The following CCDC30 variants were observed in gnomAD, a reference collection of about 807,000 sequenced individuals.
CCDC30 encodes coiled-coil domain-containing protein 30.
CCDC30 carries 70 observed loss-of-function variants against 100.2 expected under a neutral mutation model. That is an observed-to-expected ratio of 0.70 (90% CI 0.58 to 0.85). CCDC30 has a LOEUF of 0.85. Among genes scored for constraint, CCDC30 ranks in the 40% least tolerant of loss-of-function variants. The pLI is 0.00. For synonymous variants in CCDC30, 233 were observed against 269.5 expected (o/e 0.86, Z 1.33); for missense variants, 652 against 771.2 (o/e 0.85, Z 1.83).
chr1:42,456,383 T>G, the CCDC30 span: 1 of 719,618 alleles, frequency 1.4e-6, no homozygotes, highest in Admixed American at 3.2e-5. Context: ...GCAGTGTCAC[T>G]TTCGCTGGGC....
rs757557004 is a variant in CCDC30 at position 42,637,365 on chromosome 1, A to G, written c.1406A>G (p.His469Arg). 3.7e-6 allele frequency: 6 copies of G among 1,606,254 alleles called. No homozygotes were observed. The highest frequency in any genetic ancestry group is 4.2e-6 in the Non-Finnish European group (5 of 1,177,934). The change falls in exon 12 of 17, where the codon CAT becomes CGT. Residue 469 changes from histidine to arginine, a missense_variant. Coordinates refer to ENST00000668663, the Ensembl canonical transcript of CCDC30. ...GAAGATGAAATTGGAATCCTGCAAC[A>G]TAAAATAGAAAAGGTGAGGAAAAAA...
intron 4 of CCDC30, chr1:42,492,189 T>G: frequency 4.2e-6 from 1 of 238,010 alleles, no homozygotes; most frequent in Middle Eastern, 8.7e-4. Flanking sequence ...AGGCCTCTTA[T>G]GCTCAGCACC....
At chr1:42,559,782 C>T (rs1471324510) in intron 6 of CCDC30, among the ~76,000 whole-genome samples, 1 of 152,176 alleles carries the variant, frequency 6.6e-6, no homozygotes, top group Non-Finnish European at 1.5e-5. Context: ...TGCTCTGGAT[C>T]TAATGGACCT....
chr1:42,577,259 T>C (rs1000940279), intron 8 of CCDC30, 30 bp downstream of exon 12: 2 of 1,329,246 alleles, frequency 1.5e-6, no homozygotes, highest in African/African-American at 2.9e-5. Context: ...ATAAACAGCA[T>C]ACACTGAATA....
intron 6 of CCDC30, among the ~76,000 whole-genome samples, chr1:42,509,455 G>A (rs183895315): frequency 3.6e-4 from 55 of 152,232 alleles, no homozygotes; most frequent in Non-Finnish European, 3.2e-4. Flanking sequence ...CACCCAGATC[G>A]ATAAAATGGC....
intron 6 of CCDC30, 33 bp downstream of exon 10, chr1:42,556,438 T>G: frequency 6.5e-7 from 1 of 1,548,440 alleles, no homozygotes; most frequent in East Asian, 2.3e-5. Context: ...CTGACTGGGT[T>G]CGTTTCCTCT....
Position 42,579,956 on chromosome 1 carries a change from C to T in CCDC30, c.847-1404C>T, listed in dbSNP as rs1645928444. Among the ~76,000 whole-genome samples, 3 of 148,644 alleles carry T rather than the reference C, an allele frequency of 2.0e-5. No homozygotes were observed. The South Asian group carries it at 6.5e-4, about 32-fold the overall frequency. On this transcript the variant is annotated intron_variant, in intron 8 of 16. Coordinates refer to ENST00000668663, the Ensembl canonical transcript of CCDC30. ...CACATCTCAAAAAAAAAAAACCTCT[C>T]ATATATTAAAAAGGAACAGCAAGGA...
intron 7 of CCDC30, among the ~76,000 whole-genome samples, chr1:42,575,406 T>A (rs1645811790): frequency 6.6e-6 from 1 of 151,818 alleles, no homozygotes. Flanking sequence ...TCCCAGCACT[T>A]TGGGAGGCCG....
intron 1 of CCDC30, among the ~76,000 whole-genome samples, chr1:42,475,369 A>G (rs1414535903): frequency 6.6e-6 from 1 of 152,154 alleles, no homozygotes; most frequent in Non-Finnish European, 1.5e-5. Flanking sequence ...TAGGTGGAAA[A>G]TTATGCAAAC....
At chr1:42,638,110 G>A (rs1315913039) in intron 12 of CCDC30, among the ~76,000 whole-genome samples, 1 of 152,098 alleles carries the variant, frequency 6.6e-6, no homozygotes, top group Non-Finnish European at 1.5e-5. Context: ...AACTATCCTG[G>A]GACCCTAGGT....
chr1:42,559,571 A>C (rs148863441), intron 6 of CCDC30, among the ~76,000 whole-genome samples: 2 of 152,330 alleles, frequency 1.3e-5, no homozygotes, highest in Non-Finnish European at 2.9e-5. Flanking sequence ...TGGTAAAGGG[A>C]ACAATTCAAC....
chr1:42,531,163 G>A (rs1455711032), intron 6 of CCDC30, among the ~76,000 whole-genome samples: 1 of 151,908 alleles, frequency 6.6e-6, no homozygotes, highest in Admixed American at 6.6e-5. Flanking sequence ...ACGAGATCTG[G>A]TTGTTTAAAA....
chr1:42,589,953 C>T (rs1328017721), intron 10 of CCDC30: 1 of 152,522 alleles, frequency 6.6e-6, no homozygotes, highest in African/African-American at 2.4e-5. Context: ...GGATGATTCT[C>T]CTCTCCAAAT....
At chr1:42,456,974 G>A in the CCDC30 span, 3 of 1,603,558 alleles carry the variant, frequency 1.9e-6, no homozygotes, top group South Asian at 2.2e-5. Flanking sequence ...GAGCTACCAG[G>A]AGGCTGCGGC....
At chr1:42,572,421 C>T (rs1043796815) in intron 7 of CCDC30, among the ~76,000 whole-genome samples, 1 of 152,032 alleles carries the variant, frequency 6.6e-6, no homozygotes, top group Admixed American at 6.6e-5. Context: ...AACCCTTTAT[C>T]AGGTATGTAT....
At chr1:42,545,661 A>T (rs1645113827) in intron 6 of CCDC30, 82 bp downstream of exon 9, 1 of 1,311,894 alleles carries the variant, frequency 7.6e-7, no homozygotes. Context: ...AGAATTTGAC[A>T]TTCGGCTGGG....
At chr1:42,565,348 A>T (rs901784904) in intron 6 of CCDC30, among the ~76,000 whole-genome samples, 1 of 152,226 alleles carries the variant, frequency 6.6e-6, no homozygotes, top group Non-Finnish European at 1.5e-5. Flanking sequence ...TAGCAAGAAA[A>T]CAAATAATCC....
At chr1:42,535,247 C>T (rs1183521346) in intron 6 of CCDC30, among the ~76,000 whole-genome samples, 3 of 151,994 alleles carry the variant, frequency 2.0e-5, no homozygotes, top group East Asian at 1.9e-4. Flanking sequence ...GCCTTACTAA[C>T]GAATGAATGT....
chr1:42,554,961 C>G (rs1645338415), intron 6 of CCDC30, among the ~76,000 whole-genome samples: 1 of 152,242 alleles, frequency 6.6e-6, no homozygotes, highest in African/African-American at 2.4e-5. Context: ...CAGTCTATAG[C>G]CACATTCCCA....
Sources: gnomAD v4.1 joint callset for allele counts (sites outside exome capture counted in the v4.1 genomes callset) on GRCh38, gnomAD v4.1.1 for gene constraint, MANE v1.5 for transcripts, NCBI Gene and HGNC (gene_info 2026-07-23, HGNC 2026-07-21) for gene names.